OTUD7B: variants seen among roughly 807,000 people sequenced by gnomAD.
OTUD7B encodes OTU deubiquitinase 7B.
Under a neutral mutation model 82.2 loss-of-function variants are expected in OTUD7B, and 34 were observed. The observed-to-expected ratio is 0.41, with a 90% CI of 0.31 to 0.55. OTUD7B has a LOEUF of 0.55. Ranked by LOEUF, OTUD7B falls within the 20% of genes least tolerant of loss-of-function variation. The pLI is 0.20. For missense variants in OTUD7B, 944 were observed against 1,062.1 expected (o/e 0.89, Z 1.55); for synonymous variants, 398 against 402.7 (o/e 0.99, Z 0.14).
At position 149,944,689 on chromosome 1, in the gene OTUD7B, G is replaced by C; in HGVS notation, c.1700C>G (p.Ala567Gly). Residue 567 changes from alanine (A) to glycine (G), a missense_variant, in exon 12 of 12, where the codon GCT becomes GGT. Coordinates refer to ENST00000581312, the MANE Select transcript of OTUD7B (RefSeq NM_020205.4). ...KSWKGGKEEA[A>G]GDGPVSEKPP... ...CTTCTCAGACACAGGCCCATCCCCA[G>C]CTGCCTCCTCCTTGCCACCCTTCCA... is the stretch of plus-strand genomic sequence containing the variant. 1 of 1,613,730 alleles carries C rather than the reference G, an allele frequency of 6.2e-7. No individual in the cohort carries two copies. The highest frequency in any genetic ancestry group is 1.7e-5 in the Admixed American group (1 of 60,014).
intron 1 of OTUD7B, among the ~76,000 whole-genome samples, chr1:149,991,041 G>C (rs1472280522): frequency 6.6e-6 from 1 of 152,102 alleles, no homozygotes. Flanking sequence ...TAGCACAGAG[G>C]TTGGGCCTAT....
intron 1 of OTUD7B, among the ~76,000 whole-genome samples, chr1:150,006,420 G>A (rs1398668706): frequency 2.0e-5 from 3 of 152,182 alleles, no homozygotes; most frequent in Non-Finnish European, 4.4e-5. Flanking sequence ...TTGCGCCACT[G>A]TACTTCAGTC....
chr1:150,018,068 C>G, the OTUD7B span, among the ~76,000 whole-genome samples: 1 of 152,134 alleles, frequency 6.6e-6, no homozygotes, highest in African/African-American at 2.4e-5. Context: ...CAATGGAAGT[C>G]ATTATTTTCA....
intron 1 of OTUD7B, among the ~76,000 whole-genome samples, chr1:149,978,883 A>G (rs75105115): frequency 6.6e-6 from 1 of 152,174 alleles, no homozygotes; most frequent in African/African-American, 2.4e-5. Flanking sequence ...TTGCCCTACC[A>G]TACCCACCAA....
intron 11 of OTUD7B, among the ~76,000 whole-genome samples, chr1:149,946,438 C>T (rs116055399): frequency 0.046 from 7,033 of 151,818 alleles, 212 homozygotes; most frequent in Non-Finnish European, 0.072. Flanking sequence ...AGGAGACTAA[C>T]GGTTTTTAAA....
chr1:150,037,155 G>A, the OTUD7B span, among the ~76,000 whole-genome samples: 1 of 152,060 alleles, frequency 6.6e-6, no homozygotes, highest in Non-Finnish European at 1.5e-5. Context: ...CTATCTAATG[G>A]AAGTGATGCT....
At chr1:149,979,943 G>A (rs1304732026) in intron 1 of OTUD7B, among the ~76,000 whole-genome samples, 1 of 151,878 alleles carries the variant, frequency 6.6e-6, no homozygotes, top group Admixed American at 6.6e-5. Context: ...AAAAAGCAAC[G>A]CAACTGTAAA....
At chr1:150,031,249 C>T in the OTUD7B span, among the ~76,000 whole-genome samples, 1 of 152,324 alleles carries the variant, frequency 6.6e-6, no homozygotes, top group Admixed American at 6.5e-5. Flanking sequence ...TAGGCCTAAA[C>T]AAAACTTTTC....
At chr1:150,016,791 T>G in the OTUD7B span, among the ~76,000 whole-genome samples, 2 of 152,158 alleles carry the variant, frequency 1.3e-5, no homozygotes, top group Non-Finnish European at 2.9e-5. Flanking sequence ...TTTCTACCAC[T>G]GATAAGTTCA....
At chr1:150,051,705 G>C in the OTUD7B span, among the ~76,000 whole-genome samples, 1 of 151,944 alleles carries the variant, frequency 6.6e-6, no homozygotes. Context: ...ATCTGTAAAG[G>C]TCTCAGCACA....
At chr1:149,964,495 G>T in intron 5 of OTUD7B, 146 bp from the exon 6 acceptor site, 1 of 658,702 alleles carries the variant, frequency 1.5e-6, no homozygotes, top group East Asian at 2.8e-5. Context: ...CCCTCCCAAA[G>T]TGCTGGGATT....
intron 1 of OTUD7B, among the ~76,000 whole-genome samples, chr1:149,994,618 GT>G: frequency 7.8e-6 from 1 of 128,420 alleles, no homozygotes; most frequent in South Asian, 2.7e-4. Context: ...CCAATTTTTT[GT>G]TTTTTTAAGA....
At chr1:150,032,659 G>A in the OTUD7B span, among the ~76,000 whole-genome samples, 4 of 149,722 alleles carry the variant, frequency 2.7e-5, no homozygotes, top group Admixed American at 1.4e-4. Context: ...AAAAGAAGAG[G>A]AAGAAGAGGA....
rs147204618 is a variant in OTUD7B, at chr1:149,968,196, G to A, written c.275-675C>T. On this transcript the variant is annotated intron_variant, in intron 3 of 11. Transcript: ENST00000581312. ...GGAGAATTGCTTGAACCTGGGAGGCGGAGGCTGCAGTGAGCCAAGATTGTG... is the reference window on the plus strand; with the variant it reads ...GGAGAATTGCTTGAACCTGGGAGGCAGAGGCTGCAGTGAGCCAAGATTGTG... Among the ~76,000 whole-genome samples the A allele has an allele frequency of 3.3e-4, 49 of 148,318 alleles. No homozygotes were observed. In the East Asian group the frequency reaches 8.9e-3, roughly 27 times the overall value.
At position 149,944,084 on chromosome 1, in the gene OTUD7B, AG is replaced by A; in HGVS notation, c.2304del (p.Tyr769ThrfsTer59). Reference sequence around the variant, plus strand: ...TTGCTATAGGAATCAGCCACTCGGTAGGGGGGTGGTAACAAGGCACCCCTGT... The same window carrying A: ...TTGCTATAGGAATCAGCCACTCGGTAGGGGGTGGTAACAAGGCACCCCTGT... ...GLHRGALLPP[P>X]YRVADSYSNG... is the part of the protein sequence containing the mutation. On this transcript the variant is annotated frameshift_variant, in exon 12 of 12. Coordinates refer to ENST00000581312, the MANE Select transcript of OTUD7B (RefSeq NM_020205.4). LOFTEE classifies it high-confidence loss of function. 1 of 1,614,030 alleles carries A rather than the reference AG, an allele frequency of 6.2e-7. No homozygotes were observed.
intron 11 of OTUD7B, among the ~76,000 whole-genome samples, chr1:149,946,570 C>T (rs1343266399): frequency 2.7e-5 from 4 of 148,816 alleles, no homozygotes; most frequent in Admixed American, 6.7e-5. Flanking sequence ...GGTGAAACTC[C>T]GTCTCTACTA....
the OTUD7B span, among the ~76,000 whole-genome samples, chr1:150,044,756 A>G: frequency 6.6e-6 from 1 of 151,860 alleles, no homozygotes; most frequent in African/African-American, 2.4e-5. Context: ...CAACAACCCA[A>G]CATTATAGTC....
the OTUD7B span, among the ~76,000 whole-genome samples, chr1:150,022,426 A>C: frequency 2.0e-5 from 2 of 100,828 alleles, 1 homozygote; most frequent in African/African-American, 8.0e-5. Flanking sequence ...AAAAAAAATA[A>C]CTACATGCTG....
At chr1:150,034,654 C>T in the OTUD7B span, among the ~76,000 whole-genome samples, 1 of 152,194 alleles carries the variant, frequency 6.6e-6, no homozygotes, top group South Asian at 2.1e-4. Context: ...CAGAATAGGA[C>T]TCTGTCAGAA....
Sources: gnomAD v4.1 joint callset for allele counts (sites outside exome capture counted in the v4.1 genomes callset) on GRCh38, gnomAD v4.1.1 for gene constraint, MANE v1.5 for transcripts, NCBI Gene and HGNC (gene_info 2026-07-23, HGNC 2026-07-21) for gene names.